ILRUN: variants seen among roughly 807,000 people sequenced by gnomAD.
ILRUN encodes the protein protein ILRUN.
ILRUN carries 3 observed loss-of-function variants against 33.8 expected under a neutral mutation model. The ratio of observed to expected loss-of-function variants is 0.09; its 90% CI spans 0.04 to 0.23. The LOEUF (loss-of-function observed/expected upper bound fraction) is 0.23. ILRUN is among the 10% of genes least tolerant of loss of function. The probability of loss-of-function intolerance (pLI) is 1.00; values close to 1 mark genes in which losing one functional copy is unlikely to be tolerated. For synonymous variants in ILRUN, 124 were observed against 138.9 expected (o/e 0.89, Z 0.75); for missense variants, 210 against 375.1 (o/e 0.56, Z 3.64).
At chr6:34,676,484 G>GCTAGCTAGCTAGCTAGATAGATAGA (rs535155041) in intron 1 of ILRUN, among the ~76,000 whole-genome samples, 4 of 149,658 alleles carry the variant, frequency 2.7e-5, no homozygotes, top group South Asian at 2.1e-4. Context: ...AGCTAGATAG[G>GCTAGCTAGCTAGCTAGATAGATAGA]TAGATATGCA....
chr6:34,604,798 C>G (rs1377433865), intron 4 of ILRUN, among the ~76,000 whole-genome samples: 1 of 152,246 alleles, frequency 6.6e-6, no homozygotes, highest in Non-Finnish European at 1.5e-5. Flanking sequence ...CACTAATCCA[C>G]AAAATCCTTT....
At chr6:34,644,178 C>T (rs1003587926) in intron 3 of ILRUN, among the ~76,000 whole-genome samples, 4 of 152,054 alleles carry the variant, frequency 2.6e-5, no homozygotes, top group Non-Finnish European at 2.9e-5. Context: ...ACAAGACTAG[C>T]GTTCTTAACC....
intron 1 of ILRUN, among the ~76,000 whole-genome samples, chr6:34,682,823 T>A (rs939004596): frequency 3.9e-5 from 6 of 152,046 alleles, no homozygotes; most frequent in Non-Finnish European, 8.8e-5. Flanking sequence ...ATAAGCGTGA[T>A]GATTGAGTGT....
chr6:34,660,069 AG>A lies in ILRUN; in HGVS notation c.159-5291del, dbSNP rs141688830. On this transcript the variant is annotated intron_variant, in intron 1 of 4. Transcript: ENST00000374023. Reference sequence around the variant, plus strand: ...AATCCCAGCACCTTGGGAGGCGCAGAGGCAGGTGGATCACTTCAGCCCAGAA... The same window carrying A: ...AATCCCAGCACCTTGGGAGGCGCAGAGCAGGTGGATCACTTCAGCCCAGAA... 2.8e-4 allele frequency among the ~76,000 whole-genome samples: 43 copies of A among 151,866 alleles called. No homozygotes were observed. In the East Asian group the frequency reaches 7.6e-3, roughly 27 times the overall value.
chr6:34,598,110 C>G (rs1436700872), intron 4 of ILRUN, among the ~76,000 whole-genome samples: 1 of 152,146 alleles, frequency 6.6e-6, no homozygotes, highest in African/African-American at 2.4e-5. Context: ...AGTGGCTGAG[C>G]ACCCAGGAGA....
chr6:34,669,662 C>T (rs1763076549), intron 1 of ILRUN, among the ~76,000 whole-genome samples: 1 of 152,076 alleles, frequency 6.6e-6, no homozygotes, highest in Non-Finnish European at 1.5e-5. Context: ...TTCAAACATA[C>T]ATAAAATTGA....
chr6:34,684,281 T>C (rs1024170653), intron 1 of ILRUN, among the ~76,000 whole-genome samples: 1 of 152,216 alleles, frequency 6.6e-6, no homozygotes, highest in Non-Finnish European at 1.5e-5. Context: ...TAAACATATA[T>C]TAGTTTGCAA....
At chr6:34,615,750 T>C in intron 3 of ILRUN, among the ~76,000 whole-genome samples, 1 of 152,146 alleles carries the variant, frequency 6.6e-6, no homozygotes. Flanking sequence ...CCAAGTCCTT[T>C]AGAAGCCTCA....
Position 34,589,615 on chromosome 6 carries a change from T to C in ILRUN, c.*950A>G, listed in dbSNP as rs1400709813. On this transcript the variant is annotated 3_prime_UTR_variant, in exon 5 of 5. Transcript: ENST00000374023. ...TTGCACCAACACCCGTGTGTGCACATGTGGTGCATACATATAACCAGCACA... is the reference window on the plus strand; with the variant it reads ...TTGCACCAACACCCGTGTGTGCACACGTGGTGCATACATATAACCAGCACA... The C allele has an allele frequency of 6.6e-6, 1 of 152,202 alleles. No individual in the cohort carries two copies. The highest frequency in any genetic ancestry group is 2.4e-5 in the African/African-American group (1 of 41,424). The allele number at this position is 152,202 out of a possible 1,614,324, so 9.4% of individuals were successfully genotyped here.
intron 1 of ILRUN, 43 bp downstream of exon 1, chr6:34,696,403 C>A: frequency 6.5e-7 from 1 of 1,531,330 alleles, no homozygotes; most frequent in Non-Finnish European, 8.8e-7. Flanking sequence ...CCCTCGGGGC[C>A]CCCGAGGCCG....
chr6:34,651,483 T>C lies in ILRUN; in HGVS notation c.313+3142A>G, dbSNP rs371451194. 1.8e-3 allele frequency among the ~76,000 whole-genome samples: 269 copies of C among 152,170 alleles called. 1 individual carries two copies. The highest frequency in any genetic ancestry group is 6.2e-3 in the African/African-American group (257 of 41,512). Reference sequence around the variant, plus strand: ...TCCCAAAGCTCCCCATTAACCCAAGTAACAGTCTAGTAAGTAGATATATCA... The same window carrying C: ...TCCCAAAGCTCCCCATTAACCCAAGCAACAGTCTAGTAAGTAGATATATCA... On this transcript the variant is annotated intron_variant, in intron 2 of 4. Transcript: ENST00000374023.
intron 3 of ILRUN, among the ~76,000 whole-genome samples, chr6:34,641,572 T>C (rs1762476575): frequency 6.6e-6 from 1 of 152,194 alleles, no homozygotes; most frequent in South Asian, 2.1e-4. Context: ...ATTTCATGTT[T>C]ATCCTTTCCC....
chr6:34,592,835 T>C lies in ILRUN; in HGVS notation c.862-2235A>G, dbSNP rs184010617. Reference sequence around the variant, plus strand: ...TAATTCCCTTAAGGTTTAGAACCAATACAATGCTCAAAGGTCTCTGTGCAG... The same window carrying C: ...TAATTCCCTTAAGGTTTAGAACCAACACAATGCTCAAAGGTCTCTGTGCAG... On this transcript the variant is annotated intron_variant, in intron 4 of 4. Transcript: ENST00000374023. This position sits in a 1 kb window ranked among gnomAD's most constrained non-coding sequence, Gnocchi z 4.0. Among the ~76,000 whole-genome samples, 20 of 152,110 alleles carry C rather than the reference T, an allele frequency of 1.3e-4. No individual in the cohort carries two copies. In the East Asian group the frequency reaches 3.7e-3, roughly 28 times the overall value.
intron 3 of ILRUN, among the ~76,000 whole-genome samples, chr6:34,624,778 G>C (rs546070878): frequency 5.3e-4 from 80 of 152,204 alleles, no homozygotes; most frequent in African/African-American, 1.8e-3. Context: ...ACGCCTCATT[G>C]GTCTTTTAAA....
At position 34,696,448 on chromosome 6, in the gene ILRUN, G is replaced by A; in HGVS notation, c.156C>T (p.Asn52=). 2 of 1,568,618 alleles carry A rather than the reference G, an allele frequency of 1.3e-6. No individual in the cohort carries two copies. Among genetic ancestry groups the A allele is most frequent in the Non-Finnish European group, 8.6e-7 (1 of 1,158,116 alleles). ...CTGGCACTGCGGGGCCGGCTCACCAGTTGGTCATGTCCAGGAAGAAGGCGC... is the reference window on the plus strand; with the variant it reads ...CTGGCACTGCGGGGCCGGCTCACCAATTGGTCATGTCCAGGAAGAAGGCGC... The part of the protein sequence containing the change: ...AGCAFFLDMT[N]WNLQAAIGAY... Residue 52 remains asparagine, a splice_region_variant and synonymous_variant, in exon 1 of 5, where the codon AAC becomes AAT. Coordinates refer to ENST00000374023, the MANE Select transcript of ILRUN (RefSeq NM_024294.4).
Position 34,588,071 on chromosome 6 carries a change from C to A in ILRUN, c.*2494G>T, listed in dbSNP as rs990016402. 3.0e-5 allele frequency: 12 copies of A among 398,608 alleles called. No individual in the cohort carries two copies. Among genetic ancestry groups the A allele is most frequent in the Admixed American group, 8.8e-5 (2 of 22,722 alleles). The allele number at this position is 398,608 out of a possible 1,614,324, so 24.7% of individuals were successfully genotyped here. A position where few individuals can be genotyped will look rare whatever the true frequency, so the allele number is the denominator to read the frequency against. The stretch of plus-strand genomic sequence containing the variant: ...CCCTAGGCATTGCTCTGAACCCATA[C>A]CAGTGAGGGGAGAGAGAATGAATGA... On this transcript the variant is annotated 3_prime_UTR_variant, in exon 5 of 5. Transcript: ENST00000374023.
At chr6:34,677,645 C>T (rs909396893) in intron 1 of ILRUN, among the ~76,000 whole-genome samples, 1 of 151,938 alleles carries the variant, frequency 6.6e-6, no homozygotes, top group African/African-American at 2.4e-5. Context: ...AAGTATAATG[C>T]CATTTATTAA....
At chr6:34,654,323 C>T (rs1401325493) in intron 2 of ILRUN, among the ~76,000 whole-genome samples, 1 of 152,128 alleles carries the variant, frequency 6.6e-6, no homozygotes, top group Admixed American at 6.6e-5. Flanking sequence ...ACAGGTGGAG[C>T]CAATACCCCA....
Position 34,646,693 on chromosome 6 carries a change from G to T in ILRUN, c.419C>A (p.Ala140Glu). 1 of 1,614,108 alleles carries T rather than the reference G, an allele frequency of 6.2e-7. No homozygotes were observed. The highest frequency in any genetic ancestry group is 1.7e-5 in the Admixed American group (1 of 60,004). ...MVRSLEPQEIADVSVQMCSPS... is the reference protein window; with the variant it reads ...MVRSLEPQEIEDVSVQMCSPS... ...GCTGCACATCTGGACGCTGACATCT[G>T]CAATCTCTTGGGGCTCTAGCGATCT... The change falls in exon 3 of 5, where the codon GCA becomes GAA. Residue 140 changes from alanine (A) to glutamate (E), a missense_variant. By Grantham distance (107) the Ala-to-Glu change is moderately radical. This residue lies in a region of ILRUN where 60 missense variants were observed against 138.1 expected (regional missense o/e 0.43). Transcript: ENST00000374023. This position sits in a 1 kb window ranked among gnomAD's most constrained non-coding sequence, Gnocchi z 4.9.
Sources: allele counts gnomAD v4.1 joint callset (sites outside exome capture counted in the v4.1 genomes callset), GRCh38; gene constraint gnomAD v4.1.1; regional missense constraint gnomAD v4.1.1; non-coding constraint Gnocchi (gnomAD v3.1); transcripts MANE v1.5; gene names NCBI Gene and HGNC (gene_info 2026-07-23, HGNC 2026-07-21).